Variants in SEPTIN9 observed in about 807,000 individuals in gnomAD.
The protein encoded by SEPTIN9 is septin-9.
Under a neutral mutation model 56.6 loss-of-function variants are expected in SEPTIN9, and 13 were observed. The observed-to-expected ratio is 0.23, with a 90% CI of 0.15 to 0.37. The LOEUF (loss-of-function observed/expected upper bound fraction) is 0.37. Among genes scored for constraint, SEPTIN9 ranks in the 10% least tolerant of loss-of-function variants. The probability of loss-of-function intolerance (pLI) is 1.00; values close to 1 mark genes in which losing one functional copy is unlikely to be tolerated. For missense variants in SEPTIN9, 650 were observed against 823.1 expected, an observed-to-expected ratio of 0.79 and a Z score of 2.57; for synonymous variants, 332 against 334.1, an observed-to-expected ratio of 0.99 and a Z score of 0.07.
Position 77,313,994 on chromosome 17 carries a change from G to A in SEPTIN9, c.76+6797G>A, listed in dbSNP as rs1203566891. On this transcript the variant is annotated intron_variant, in intron 2 of 11. Coordinates refer to ENST00000427177, the MANE Select transcript of SEPTIN9 (RefSeq NM_001113491.2). This position sits in a 1 kb window ranked among gnomAD's most constrained non-coding sequence, Gnocchi z 4.5. ...GTGGGAGGATCACTTGAGCTCAGGT[G>A]CTCCAGACCAGCCTGGGCAACATGA... 6.6e-6 allele frequency among the ~76,000 whole-genome samples: 1 copy of A among 152,032 alleles called. No individual in the cohort carries two copies. The highest frequency in any genetic ancestry group is 1.5e-5 in the Non-Finnish European group (1 of 68,002).
Position 77,403,979 on chromosome 17 carries a change from T to C in SEPTIN9, c.721+1276T>C, listed in dbSNP as rs115266275. Among the ~76,000 whole-genome samples, 886 of 152,278 alleles carry C rather than the reference T, an allele frequency of 5.8e-3. 13 individuals are homozygous for C. The highest frequency in any genetic ancestry group is 0.02 in the African/African-American group (841 of 41,538). On this transcript the variant is annotated intron_variant, in intron 3 of 11. Coordinates refer to ENST00000427177, the MANE Select transcript of SEPTIN9 (RefSeq NM_001113491.2). ...CAGCCACCATTCTATTTTCTGTCTT[T>C]ATTATGAATTTATTTGACCACTCTA...
At position 77,330,993 on chromosome 17, in the gene SEPTIN9, T is replaced by C. The variant is rs2033324958; in HGVS notation, c.76+23796T>C. On this transcript the variant is annotated intron_variant, in intron 2 of 11. Coordinates refer to ENST00000427177, the MANE Select transcript of SEPTIN9 (RefSeq NM_001113491.2). The surrounding 1 kb of genome is among the most constrained non-coding windows in gnomAD (Gnocchi z 4.4). ...CAGATTCGATGCAGTGATGCAGGGC[T>C]GTCAGCCATGCCAGCAGGCCCTGCT... Among the ~76,000 whole-genome samples, 1 of 152,204 alleles carries C rather than the reference T, an allele frequency of 6.6e-6. No individual in the cohort carries two copies. The highest frequency in any genetic ancestry group is 1.5e-5 in the Non-Finnish European group (1 of 68,038).
rs889638385 is a variant in SEPTIN9 at position 77,320,019 on chromosome 17, T to G, written c.76+12822T>G. 5.3e-6 allele frequency: 7 copies of G among 1,326,686 alleles called. No homozygotes were observed. The African/African-American group carries it at 8.9e-5, about 17-fold the overall frequency. 82.2% of individuals were successfully genotyped at this position (1,326,686 alleles called of 1,614,324 possible). A position where few individuals can be genotyped will look rare whatever the true frequency, so the allele number is the denominator to read the frequency against. On this transcript the variant is annotated intron_variant, in intron 2 of 11. Coordinates refer to ENST00000427177, the MANE Select transcript of SEPTIN9 (RefSeq NM_001113491.2). ...GTCTGCCGGACTCCTCGGGGCCCAC[T>G]TCGGGCCCTCTCTCCTGCCTCCTAT...
rs2037321563 is a variant in SEPTIN9 at position 77,435,979 on chromosome 17, T to C, written c.721+33276T>C. On this transcript the variant is annotated intron_variant, in intron 3 of 11. Transcript: ENST00000427177. The surrounding 1 kb of genome is among the most constrained non-coding windows in gnomAD (Gnocchi z 4.5). ...CAGGGCTAGAGCATGGAGACGTTGC[T>C]GGAGGACCAAGGGAGAACTGAGCGC... 6.6e-6 allele frequency among the ~76,000 whole-genome samples: 1 copy of C among 152,212 alleles called. No individual in the cohort carries two copies. Among genetic ancestry groups the C allele is most frequent in the African/African-American group, 2.4e-5 (1 of 41,456 alleles).
At chr17:77,477,266 T>A (rs933061559) in intron 3 of SEPTIN9, among the ~76,000 whole-genome samples, 1 of 152,082 alleles carries the variant, frequency 6.6e-6, no homozygotes, top group Non-Finnish European at 1.5e-5. Context: ...CCAGAACGTT[T>A]TCCTCACCCC....
In SEPTIN9 at chr17:77,453,123, T is replaced by G. The variant is rs2038049281; in HGVS notation, c.722-29021T>G. On this transcript the variant is annotated intron_variant, in intron 3 of 11. Coordinates refer to ENST00000427177, the MANE Select transcript of SEPTIN9 (RefSeq NM_001113491.2). This position sits in a 1 kb window ranked among gnomAD's most constrained non-coding sequence, Gnocchi z 4.4. ...CCCCCGCCCCTGTAGGCTGTCATTG[T>G]GATGGTGATGGGGCCAATTCAGCTG... Among the ~76,000 whole-genome samples, 1 of 151,992 alleles carries G rather than the reference T, an allele frequency of 6.6e-6. No individual in the cohort carries two copies. The highest frequency in any genetic ancestry group is 1.5e-5 in the Non-Finnish European group (1 of 67,986).
intron 1 of SEPTIN9, among the ~76,000 whole-genome samples, chr17:77,303,587 C>A (rs1056490842): frequency 1.3e-5 from 2 of 151,720 alleles, no homozygotes; most frequent in Non-Finnish European, 2.9e-5. Context: ...ATGGCAGGTG[C>A]CTGTAATCTC....
chr17:77,404,403 G>T (rs889417452), intron 3 of SEPTIN9, among the ~76,000 whole-genome samples: 10 of 152,128 alleles, frequency 6.6e-5, no homozygotes, highest in African/African-American at 2.4e-4. Context: ...GCGCCACCAT[G>T]CCTGGCTAAT....
chr17:77,454,491 G>A (rs1336008667), intron 3 of SEPTIN9: 5 of 568,228 alleles, frequency 8.8e-6, no homozygotes, highest in African/African-American at 4.1e-5. Flanking sequence ...CTGGGAAGGC[G>A]CGGGTCTAAT....
intron 3 of SEPTIN9, among the ~76,000 whole-genome samples, chr17:77,403,151 C>G (rs1343568974): frequency 6.6e-6 from 1 of 152,080 alleles, no homozygotes; most frequent in Non-Finnish European, 1.5e-5. Flanking sequence ...TGAGGAATTG[C>G]AGGCTGCCTG....
Position 77,475,206 on chromosome 17 carries a change from G to A in SEPTIN9, c.722-6938G>A. On this transcript the variant is annotated intron_variant, in intron 3 of 11. Coordinates refer to ENST00000427177, the MANE Select transcript of SEPTIN9 (RefSeq NM_001113491.2). The surrounding 1 kb of genome is among the most constrained non-coding windows in gnomAD (Gnocchi z 4.6). ...CTGGCTTCACAAACCCTGTGTGGGG[G>A]GGTTGTGGTGAGAGGAAACCGCACA... 1 of 1,234,820 alleles carries A rather than the reference G, an allele frequency of 8.1e-7. No homozygotes were observed. Among genetic ancestry groups the A allele is most frequent in the Non-Finnish European group, 1.0e-6 (1 of 983,522 alleles). The allele number at this position is 1,234,820 out of a possible 1,614,324, so 76.5% of individuals were successfully genotyped here.
At chr17:77,290,288 C>T (rs1021325196) in intron 1 of SEPTIN9, among the ~76,000 whole-genome samples, 2 of 146,892 alleles carry the variant, frequency 1.4e-5, no homozygotes, top group African/African-American at 5.1e-5. Flanking sequence ...GATGGAGTCT[C>T]GCTCTGTTGC....
intron 3 of SEPTIN9, among the ~76,000 whole-genome samples, chr17:77,417,318 TGTTGACGA>T (rs1167817321): frequency 3.9e-5 from 6 of 152,206 alleles, no homozygotes; most frequent in African/African-American, 1.2e-4. Context: ...GTGGGGAAGC[TGTTGACGA>T]GTTGCACGAG....
intron 3 of SEPTIN9, among the ~76,000 whole-genome samples, chr17:77,440,457 C>T (rs765911168): frequency 3.3e-4 from 50 of 152,284 alleles, no homozygotes; most frequent in Middle Eastern, 3.4e-3. Context: ...ACCTGGCTTT[C>T]GTATATCTAT....
intron 3 of SEPTIN9, among the ~76,000 whole-genome samples, chr17:77,457,803 G>A (rs1181599367): frequency 1.3e-5 from 2 of 152,260 alleles, no homozygotes; most frequent in Non-Finnish European, 2.9e-5. Context: ...CCTCAGTGAC[G>A]CAGTGAAGTC....
chr17:77,303,453 G>A lies in SEPTIN9; in HGVS notation c.20-3688G>A, dbSNP rs190836108. ...TCACAGCCAGATAACGGTGACTAAC[G>A]CCTGTAATCCGAACACTTTGGGAGG... On this transcript the variant is annotated intron_variant, in intron 1 of 11. Transcript: ENST00000427177. Among the ~76,000 whole-genome samples, 144 of 151,106 alleles carry A rather than the reference G, an allele frequency of 9.5e-4. 1 individual carries two copies. The highest frequency in any genetic ancestry group is 3.4e-3 in the African/African-American group (141 of 41,264).
intron 2 of SEPTIN9, among the ~76,000 whole-genome samples, chr17:77,364,281 G>T (rs2034506788): frequency 6.6e-6 from 1 of 152,232 alleles, no homozygotes; most frequent in Non-Finnish European, 1.5e-5. Context: ...TGCAAAGAGG[G>T]GTGCGGCATG....
At chr17:77,373,807 G>C (rs1315789769) in intron 2 of SEPTIN9, 15 of 532,892 alleles carry the variant, frequency 2.8e-5, no homozygotes, top group Non-Finnish European at 4.4e-5. Flanking sequence ...CTCGTTCTGC[G>C]CACTGCCGCC....
At chr17:77,315,144 G>A (rs1266505073) in intron 2 of SEPTIN9, among the ~76,000 whole-genome samples, 2 of 152,302 alleles carry the variant, frequency 1.3e-5, no homozygotes, top group Admixed American at 1.3e-4. Context: ...AGGATTGTCC[G>A]TGAGGGCCGG....
Sources: allele counts gnomAD v4.1 joint callset (sites outside exome capture counted in the v4.1 genomes callset), GRCh38; gene constraint gnomAD v4.1.1; non-coding constraint Gnocchi (gnomAD v3.1); transcripts MANE v1.5; gene names NCBI Gene and HGNC (gene_info 2026-07-23, HGNC 2026-07-21).